Variants in DDX31 observed in about 807,000 individuals in gnomAD.
The protein encoded by DDX31 is ATP-dependent DNA helicase DDX31.
Under a neutral mutation model 91.3 loss-of-function variants are expected in DDX31, and 70 were observed. That is an observed-to-expected ratio of 0.77 (90% CI 0.63 to 0.94). The LOEUF (loss-of-function observed/expected upper bound fraction) is 0.94. Among genes scored for constraint, DDX31 ranks in the 40% least tolerant of loss-of-function variants. DDX31 has a pLI of 0.00. For missense variants in DDX31, 902 were observed against 925.0 expected (o/e 0.98, Z 0.32); for synonymous variants, 362 against 350.6 (o/e 1.03, Z -0.36).
intron 14 of DDX31, among the ~76,000 whole-genome samples, chr9:132,638,662 C>T (rs1294284482): frequency 6.6e-6 from 1 of 152,188 alleles, no homozygotes; most frequent in Non-Finnish European, 1.5e-5. Flanking sequence ...AGCCACATTA[C>T]ACAAAGCCAC....
At chr9:132,636,196 T>C (rs929276154) in intron 14 of DDX31, among the ~76,000 whole-genome samples, 1 of 152,186 alleles carries the variant, frequency 6.6e-6, no homozygotes, top group Non-Finnish European at 1.5e-5. Flanking sequence ...ACAAAGTGTT[T>C]TCAGACAGCT....
chr9:132,657,211 T>C (rs1834624127), intron 6 of DDX31, among the ~76,000 whole-genome samples: 1 of 152,242 alleles, frequency 6.6e-6, no homozygotes, highest in Non-Finnish European at 1.5e-5. Flanking sequence ...GATGATTTTG[T>C]AGGGTTTAAC....
At chr9:132,612,513 C>T (rs1010694277) in intron 18 of DDX31, among the ~76,000 whole-genome samples, 1 of 152,202 alleles carries the variant, frequency 6.6e-6, no homozygotes, top group Non-Finnish European at 1.5e-5. Flanking sequence ...TTTGACCACA[C>T]AGCTCCTAAC....
chr9:132,650,883 G>A (rs1834139910), intron 8 of DDX31, among the ~76,000 whole-genome samples, 192 bp downstream of exon 8: 1 of 152,216 alleles, frequency 6.6e-6, no homozygotes, highest in Admixed American at 6.5e-5. Flanking sequence ...AGGAGTCACT[G>A]ATAATTCAGC....
At chr9:132,654,833 C>T (rs1834446366) in intron 6 of DDX31, among the ~76,000 whole-genome samples, 1 of 150,674 alleles carries the variant, frequency 6.6e-6, no homozygotes, top group African/African-American at 2.4e-5. Flanking sequence ...GTAATCCCAG[C>T]TGCTTGGGAG....
At chr9:132,655,001 A>T (rs899439119) in intron 6 of DDX31, among the ~76,000 whole-genome samples, 2 of 151,356 alleles carry the variant, frequency 1.3e-5, no homozygotes, top group Admixed American at 6.6e-5. Context: ...AGAGCATTGG[A>T]GGGCATGGGA....
intron 1 of DDX31, among the ~76,000 whole-genome samples, chr9:132,668,337 C>G (rs1217531325): frequency 1.3e-5 from 2 of 152,130 alleles, no homozygotes; most frequent in African/African-American, 4.8e-5. Context: ...TTTCCTATCC[C>G]CCTCCATTGC....
intron 19 of DDX31, among the ~76,000 whole-genome samples, chr9:132,598,992 A>G (rs1830586809): frequency 6.6e-6 from 1 of 152,250 alleles, no homozygotes; most frequent in Non-Finnish European, 1.5e-5. Context: ...CCTCTAGAGC[A>G]CTTCCTGCAG....
intron 14 of DDX31, chr9:132,638,345 G>A: frequency 6.2e-7 from 1 of 1,614,068 alleles, no homozygotes; most frequent in African/African-American, 1.3e-5. Flanking sequence ...CTTTCCTCTG[G>A]CTTAGGGTGA....
rs748740427 is a variant in DDX31 at position 132,612,222 on chromosome 9, TAG to T, written c.1857_1858del (p.Tyr620ProfsTer32). 38 of 1,613,918 alleles carry T rather than the reference TAG, an allele frequency of 2.4e-5. No homozygotes were observed. Among genetic ancestry groups the T allele is most frequent in the Non-Finnish European group, 3.2e-5 (38 of 1,180,002 alleles). ...GAAGATGTGCTTCAGCTCCCTGGGG[TAG>T]GTGGCGTAGGCTTGGATGAAGGACT... On this transcript the variant is annotated frameshift_variant, in exon 19 of 20. Transcript: ENST00000372159. LOFTEE classifies it high-confidence loss of function.
At chr9:132,641,858 T>A (rs1350246023) in intron 14 of DDX31, 146 bp downstream of exon 14, 1 of 647,698 alleles carries the variant, frequency 1.5e-6, no homozygotes, top group Non-Finnish European at 2.6e-6. Context: ...AAGAAAGAGG[T>A]GCAAAGAGGC....
rs1450952873 is a variant in DDX31 at position 132,595,466 on chromosome 9, T to A, written c.1995-354A>T. ...GACAGGGAAAAACCCACCGTCACAC[T>A]CAACAACATGAAGCAGTGAAAGCTC... is the stretch of plus-strand genomic sequence containing the variant. On this transcript the variant is annotated intron_variant, in intron 19 of 19. Transcript: ENST00000372159. The surrounding 1 kb of genome is among the most constrained non-coding windows in gnomAD (Gnocchi z 4.6). Among the ~76,000 whole-genome samples the A allele has an allele frequency of 6.6e-6, 1 of 152,084 alleles. No homozygotes were observed. Among genetic ancestry groups the A allele is most frequent in the Non-Finnish European group, 1.5e-5 (1 of 68,018 alleles).
chr9:132,620,154 T>C (rs950572903), intron 17 of DDX31, among the ~76,000 whole-genome samples: 2 of 152,046 alleles, frequency 1.3e-5, no homozygotes, highest in Non-Finnish European at 2.9e-5. Flanking sequence ...CTGTTGGTTA[T>C]TGTATACATT....
At chr9:132,611,166 T>C (rs1831314422) in intron 19 of DDX31, among the ~76,000 whole-genome samples, 1 of 152,106 alleles carries the variant, frequency 6.6e-6, no homozygotes, top group Admixed American at 6.5e-5. Flanking sequence ...CCTGCGGCGT[T>C]TGTAAATTAA....
chr9:132,630,935 C>T (rs910818562), intron 15 of DDX31, among the ~76,000 whole-genome samples: 13 of 152,234 alleles, frequency 8.5e-5, no homozygotes, highest in African/African-American at 2.2e-4. Context: ...TCCCCACCAG[C>T]CTGCAGCAGC....
intron 11 of DDX31, among the ~76,000 whole-genome samples, chr9:132,647,724 G>A (rs1437609481): frequency 6.6e-6 from 1 of 152,196 alleles, no homozygotes; most frequent in Non-Finnish European, 1.5e-5. Flanking sequence ...TGATAAAAAA[G>A]AGAGCTAAGA....
Position 132,669,845 on chromosome 9 carries a change from C to A in DDX31, c.75+15G>T. ...CCGCGGGTGGGGACGGAGCTGAAGC[C>A]GGGTCAGAACTCACCCGACTCGCCT... On this transcript the variant is annotated intron_variant, in intron 1 of 19. Coordinates refer to ENST00000372159, the MANE Select transcript of DDX31 (RefSeq NM_022779.9). The A allele has an allele frequency of 1.3e-6, 2 of 1,566,992 alleles. No homozygotes were observed. The highest frequency in any genetic ancestry group is 8.6e-7 in the Non-Finnish European group (1 of 1,158,646).
chr9:132,617,751 C>T (rs1481435149), intron 18 of DDX31, among the ~76,000 whole-genome samples: 1 of 152,212 alleles, frequency 6.6e-6, no homozygotes, highest in East Asian at 1.9e-4. Flanking sequence ...TCAACGTGAA[C>T]TGTGAAGTCT....
intron 6 of DDX31, among the ~76,000 whole-genome samples, chr9:132,654,185 A>G (rs1834404417): frequency 6.6e-6 from 1 of 152,252 alleles, no homozygotes; most frequent in Non-Finnish European, 1.5e-5. Flanking sequence ...AAATTTCAGA[A>G]TGGAAAAATA....
Sources: allele counts gnomAD v4.1 joint callset (sites outside exome capture counted in the v4.1 genomes callset), GRCh38; gene constraint gnomAD v4.1.1; non-coding constraint Gnocchi (gnomAD v3.1); transcripts MANE v1.5; gene names NCBI Gene and HGNC (gene_info 2026-07-23, HGNC 2026-07-21).